SYNE1: variants seen among roughly 807,000 people sequenced by gnomAD.
SYNE1 encodes nesprin-1.
A neutral mutation model predicts 1,111.0 loss-of-function variants in SYNE1; 616 were observed. The ratio of observed to expected loss-of-function variants is 0.55; its 90% CI spans 0.52 to 0.59. The LOEUF is 0.59. Ranked by LOEUF, SYNE1 falls within the 20% of genes least tolerant of loss-of-function variation. The probability of loss-of-function intolerance (pLI) is 0.00; values close to 1 mark genes in which losing one functional copy is unlikely to be tolerated. For missense variants in SYNE1, 10,006 were observed against 10,417.0 expected, an observed-to-expected ratio of 0.96 and a Z score of 1.72; for synonymous variants, 3,855 against 3,825.8, an observed-to-expected ratio of 1.01 and a Z score of -0.28.
chr6:152,560,300 A>G (rs1793686435), intron 3 of SYNE1, among the ~76,000 whole-genome samples: 1 of 152,306 alleles, frequency 6.6e-6, no homozygotes, highest in East Asian at 1.9e-4. Flanking sequence ...TGGGAGGCAG[A>G]AGTTGCAGTG....
chr6:152,464,810 C>T (rs2098754719), intron 18 of SYNE1: 1 of 245,816 alleles, frequency 4.1e-6, no homozygotes, highest in Non-Finnish European at 8.0e-6. Context: ...AGAATGAGAC[C>T]CTTGCTTGAA....
intron 12 of SYNE1, among the ~76,000 whole-genome samples, chr6:152,487,400 T>C (rs548433610): frequency 1.3e-5 from 2 of 152,358 alleles, no homozygotes; most frequent in Admixed American, 6.5e-5. Context: ...TATGGCAGCC[T>C]AGTATTCCAT....
intron 3 of SYNE1, among the ~76,000 whole-genome samples, chr6:152,557,999 C>T (rs538848992): frequency 6.6e-6 from 1 of 152,154 alleles, no homozygotes; most frequent in East Asian, 1.9e-4. Flanking sequence ...ACTAAAGCTA[C>T]AACAATTTGT....
intron 3 of SYNE1, among the ~76,000 whole-genome samples, chr6:152,606,440 T>C (rs2099614940): frequency 6.6e-6 from 1 of 152,176 alleles, no homozygotes; most frequent in African/African-American, 2.4e-5. Flanking sequence ...GCCCAGGACA[T>C]AGCTGTCAGT....
At chr6:152,538,628 GA>G (rs912343260) in intron 4 of SYNE1, among the ~76,000 whole-genome samples, 15 of 129,274 alleles carry the variant, frequency 1.2e-4, no homozygotes, top group South Asian at 5.0e-4. Context: ...TTTTCATTTT[GA>G]AAAAAAAAAA....
At chr6:152,520,369 C>T (rs2099132852) in intron 6 of SYNE1, 90 bp downstream of exon 6, 3 of 1,200,678 alleles carry the variant, frequency 2.5e-6, no homozygotes, top group African/African-American at 3.0e-5. Flanking sequence ...ATGCCATCCT[C>T]CTATCTGACT....
chr6:152,571,240 T>TTC (rs1423120910), intron 3 of SYNE1, among the ~76,000 whole-genome samples: 10 of 152,228 alleles, frequency 6.6e-5, no homozygotes, highest in Admixed American at 5.2e-4. Context: ...CTGAGATTGC[T>TTC]TAAGAACAGG....
At position 152,453,103 on chromosome 6, in the gene SYNE1, G is replaced by C. The variant is rs146540915; in HGVS notation, c.3027+483C>G. Among the ~76,000 whole-genome samples, 1,361 of 152,150 alleles carry C rather than the reference G, an allele frequency of 8.9e-3. 7 individuals carry two copies. The highest frequency in any genetic ancestry group is 0.016 in the Admixed American group (240 of 15,282). The stretch of plus-strand genomic sequence containing the variant: ...CCTTTACTGAACTCTTAAGCTCTTG[G>C]GGGGAAGAGGGGTATGCTTTGTTCA... On this transcript the variant is annotated intron_variant, in intron 25 of 145. Coordinates refer to ENST00000367255, the MANE Select transcript of SYNE1 (RefSeq NM_182961.4).
intron 102 of SYNE1, among the ~76,000 whole-genome samples, 200 bp downstream of exon 102, chr6:152,256,434 A>T (rs2090877709): frequency 9.4e-6 from 1 of 106,366 alleles, no homozygotes. Context: ...GGTCTAAAAA[A>T]TAAATAAATA....
rs768637699 is a variant in SYNE1 at position 152,326,508 on chromosome 6, G to A, written c.15081C>T (p.Ser5027=). 21 of 1,614,040 alleles carry A rather than the reference G, an allele frequency of 1.3e-5. No individual in the cohort carries two copies. Among genetic ancestry groups the A allele is most frequent in the Admixed American group, 5.0e-5 (3 of 60,004 alleles). ...QLAGNGLDVE[S]AEENLKSHME... ...TGTGGCTTTTGAGATTTTCCTCTGC[G>A]CTCTCCACGTCTAGGCCATTGCCTG... is the stretch of plus-strand genomic sequence containing the variant. Residue 5027 remains serine, a synonymous_variant, in exon 79 of 146, where the codon AGC becomes AGT. Coordinates refer to ENST00000367255, the MANE Select transcript of SYNE1 (RefSeq NM_182961.4).
chr6:152,594,430 G>A (rs781274318), intron 3 of SYNE1, among the ~76,000 whole-genome samples: 1 of 152,144 alleles, frequency 6.6e-6, no homozygotes, highest in Non-Finnish European at 1.5e-5. Flanking sequence ...GGTTTTGGAT[G>A]TTTGCTCTAT....
chr6:152,342,576 C>G (rs1311212395), intron 74 of SYNE1, among the ~76,000 whole-genome samples: 2 of 152,178 alleles, frequency 1.3e-5, no homozygotes, highest in African/African-American at 4.8e-5. Context: ...TAGACACATT[C>G]TTTATGTGGA....
chr6:152,133,694 TCTC>T (rs2056392660), intron 142 of SYNE1: 1 of 600,084 alleles, frequency 1.7e-6, no homozygotes, highest in South Asian at 2.0e-5. Flanking sequence ...CCCCTGACCG[TCTC>T]TGATCTCAGT....
Position 152,180,263 on chromosome 6 carries a change from C to T in SYNE1, c.23333G>A (p.Arg7778Lys). The T allele has an allele frequency of 6.2e-7, 1 of 1,614,118 alleles. No homozygotes were observed. Among genetic ancestry groups the T allele is most frequent in the Non-Finnish European group, 8.5e-7 (1 of 1,180,006 alleles). ...ACTGAAGACTGCCCATTCATTCAAT[C>T]TTTCACCTATTTGCTGCCGCCTTAA... ...LSLRRQQIGE[R>K]LNEWAVFSEK... The change falls in exon 129 of 146, where the codon AGA becomes AAA. Residue 7778 changes from arginine (R) to lysine (K), a missense_variant. By Grantham distance (26) the Arg-to-Lys change is conservative (BLOSUM62 2). Around this residue, in one of 7 missense-constraint regions of SYNE1, gnomAD observed 2,182 missense variants for 2,287.8 expected, o/e 0.95. Transcript: ENST00000367255.
At chr6:152,425,351 A>C (rs368578478) in intron 39 of SYNE1, 30 bp downstream of exon 39, 1 of 1,607,886 alleles carries the variant, frequency 6.2e-7, no homozygotes, top group East Asian at 2.2e-5. Context: ...CAAATGAACA[A>C]TATTAGAAGA....
At chr6:152,283,330 C>T (rs1317022318) in intron 96 of SYNE1, among the ~76,000 whole-genome samples, 1 of 152,146 alleles carries the variant, frequency 6.6e-6, no homozygotes, top group Non-Finnish European at 1.5e-5. Flanking sequence ...GTAATATCAT[C>T]CATCAAATGC....
chr6:152,375,344 C>G (rs2097261609), intron 58 of SYNE1, among the ~76,000 whole-genome samples: 1 of 152,204 alleles, frequency 6.6e-6, no homozygotes, highest in Non-Finnish European at 1.5e-5. Flanking sequence ...ATGAACAATA[C>G]TGTTTCAGAG....
intron 91 of SYNE1, among the ~76,000 whole-genome samples, chr6:152,303,154 C>T (rs1409496530): frequency 7.6e-6 from 1 of 131,136 alleles, no homozygotes; most frequent in East Asian, 2.2e-4. Flanking sequence ...TTATTGTGCA[C>T]ATAGAACACA....
chr6:152,567,527 C>T (rs1310758917), intron 3 of SYNE1, among the ~76,000 whole-genome samples: 1 of 152,004 alleles, frequency 6.6e-6, no homozygotes, highest in Non-Finnish European at 1.5e-5. Context: ...ACCACTGAGT[C>T]CTTCTACCAT....
Sources: allele counts gnomAD v4.1 joint callset (sites outside exome capture counted in the v4.1 genomes callset), GRCh38; gene constraint gnomAD v4.1.1; regional missense constraint gnomAD v4.1.1; transcripts MANE v1.5; gene names NCBI Gene and HGNC (gene_info 2026-07-23, HGNC 2026-07-21).